Variants in PDE4D observed in about 807,000 individuals in gnomAD.
PDE4D encodes the protein 3',5'-cyclic-AMP phosphodiesterase 4D.
In PDE4D, 24 loss-of-function variants were observed where a neutral mutation model predicts 87.4. That is an observed-to-expected ratio of 0.27 (90% confidence interval 0.20 to 0.39). The LOEUF is 0.39. Ranked by LOEUF, PDE4D falls within the 10% of genes least tolerant of loss-of-function variation. PDE4D has a pLI of 1.00. For missense variants in PDE4D, 714 were observed against 1,041.0 expected, an observed-to-expected ratio of 0.69 and a Z score of 4.32; for synonymous variants, 384 against 383.2, an observed-to-expected ratio of 1.00 and a Z score of -0.02.
chr5:60,144,721 T>C (rs1780848954), intron 2 of PDE4D, among the ~76,000 whole-genome samples: 1 of 152,214 alleles, frequency 6.6e-6, no homozygotes, highest in Admixed American at 6.5e-5. Flanking sequence ...AGCTTTGGAA[T>C]TAGATATTTT....
intron 1 of PDE4D, among the ~76,000 whole-genome samples, chr5:59,667,614 A>T (rs1580277772): frequency 6.6e-6 from 1 of 151,950 alleles, no homozygotes; most frequent in East Asian, 1.9e-4. Context: ...AGTCATTCAG[A>T]CCCGAACCTG....
rs541274144 is a variant in PDE4D, at chr5:60,216,133, T to C, written c.-89-30446A>G. Among the ~76,000 whole-genome samples the C allele has an allele frequency of 2.0e-5, 3 of 152,160 alleles. No individual in the cohort carries two copies. The South Asian group carries it at 6.2e-4, about 32-fold the overall frequency. On this transcript the variant is annotated intron_variant, in intron 1 of 16. Transcript: ENST00000502484. ...TTGGAACCAGTAAGAGAAAATCAGA[T>C]AGCGCTTTATTCTGATGGATGTAAT...
At chr5:59,459,954 C>G (rs1800511483) in intron 1 of PDE4D, among the ~76,000 whole-genome samples, 1 of 152,150 alleles carries the variant, frequency 6.6e-6, no homozygotes, top group South Asian at 2.1e-4. Context: ...AGAACAATAA[C>G]TGACTTTATA....
At chr5:59,058,659 AC>A (rs1414077931) in intron 5 of PDE4D, among the ~76,000 whole-genome samples, 3 of 151,826 alleles carry the variant, frequency 2.0e-5, no homozygotes, top group African/African-American at 7.3e-5. Flanking sequence ...TCTGGGTACT[AC>A]CCTCTACCGG....
In PDE4D at chr5:59,312,593, T is replaced by C. The variant is rs188943351; in HGVS notation, c.456-96625A>G. On this transcript the variant is annotated intron_variant, in intron 1 of 14. Coordinates refer to ENST00000340635, the MANE Select transcript of PDE4D (RefSeq NM_001104631.2). ...TCTGAAAAGTCTACAGGAAACTTAT[T>C]AAGCACACCAAACTTAAACCCAGAA... 1.3e-4 allele frequency among the ~76,000 whole-genome samples: 20 copies of C among 152,280 alleles called. No homozygotes were observed. In the East Asian group the frequency reaches 2.7e-3, roughly 21 times the overall value.
chr5:59,395,004 GA>G (rs1789078275), intron 1 of PDE4D, among the ~76,000 whole-genome samples: 1 of 152,150 alleles, frequency 6.6e-6, no homozygotes, highest in Non-Finnish European at 1.5e-5. Context: ...ACTCCCACCC[GA>G]ATACTGCGCT....
chr5:59,529,102 T>C (rs1813692565), intron 1 of PDE4D: 1 of 472,456 alleles, frequency 2.1e-6, no homozygotes, highest in Non-Finnish European at 4.2e-6. Flanking sequence ...TCTATTCTAA[T>C]TTCAGACTCA....
chr5:59,409,331 G>A (rs553748407), intron 1 of PDE4D, among the ~76,000 whole-genome samples: 4 of 152,162 alleles, frequency 2.6e-5, no homozygotes, highest in African/African-American at 9.6e-5. Flanking sequence ...TATGACTCTG[G>A]GAGACTGTTG....
At chr5:59,878,413 A>C (rs556897124) in intron 1 of PDE4D, among the ~76,000 whole-genome samples, 1 of 152,356 alleles carries the variant, frequency 6.6e-6, no homozygotes, top group African/African-American at 2.4e-5. Context: ...AAGGAAAACA[A>C]AACTGCAAGA....
intron 5 of PDE4D, among the ~76,000 whole-genome samples, chr5:59,148,354 A>G (rs767399381): frequency 2.6e-5 from 4 of 152,198 alleles, no homozygotes; most frequent in Admixed American, 6.5e-5. Flanking sequence ...TCTTTTTACT[A>G]TAACTCCTCA....
intron 1 of PDE4D, among the ~76,000 whole-genome samples, chr5:60,193,309 C>A (rs898761359): frequency 1.3e-5 from 2 of 152,054 alleles, no homozygotes; most frequent in African/African-American, 4.8e-5. Flanking sequence ...ATAGGACCAA[C>A]AGGAGCTCAA....
chr5:59,780,794 G>A (rs1330687654), intron 1 of PDE4D, among the ~76,000 whole-genome samples: 1 of 152,190 alleles, frequency 6.6e-6, no homozygotes, highest in Non-Finnish European at 1.5e-5. Context: ...AAGAACAGGA[G>A]TATAGTTTTG....
At chr5:59,924,723 A>G (rs1279413227) in intron 3 of PDE4D, among the ~76,000 whole-genome samples, 1 of 152,226 alleles carries the variant, frequency 6.6e-6, no homozygotes, top group African/African-American at 2.4e-5. Flanking sequence ...GGGATTTCTT[A>G]AGAAAAGGAC....
At chr5:60,433,242 A>G (rs1038338295) in intron 1 of PDE4D, among the ~76,000 whole-genome samples, 1 of 152,200 alleles carries the variant, frequency 6.6e-6, no homozygotes, top group Non-Finnish European at 1.5e-5. Context: ...AAGCAAAAAA[A>G]CAAACAAGCC....
chr5:60,179,935 T>G (rs180807335), intron 2 of PDE4D, among the ~76,000 whole-genome samples: 121 of 152,336 alleles, frequency 7.9e-4, no homozygotes, highest in Middle Eastern at 3.4e-3. Context: ...AGATTTTGTC[T>G]GTAAGAATAA....
At position 59,854,007 on chromosome 5, in the gene PDE4D, T is replaced by C. The variant is rs115303258; in HGVS notation, c.455+39161A>G. Among the ~76,000 whole-genome samples, 545 of 152,202 alleles carry C rather than the reference T, an allele frequency of 3.6e-3. 5 individuals are homozygous for C. Among genetic ancestry groups the C allele is most frequent in the African/African-American group, 0.013 (522 of 41,558 alleles). ...TTTTGAACATGTATCATTTCAGTTT[T>C]AGATTAATTCCTTAGGATAACTTCT... On this transcript the variant is annotated intron_variant, in intron 1 of 14. Coordinates refer to ENST00000340635, the MANE Select transcript of PDE4D (RefSeq NM_001104631.2).
intron 2 of PDE4D, among the ~76,000 whole-genome samples, chr5:60,125,005 C>G (rs777124384): frequency 2.0e-5 from 3 of 152,156 alleles, no homozygotes; most frequent in Non-Finnish European, 4.4e-5. Context: ...ACCAGCTGCT[C>G]CTTCTCAAAA....
intron 1 of PDE4D, chr5:60,459,891 A>T: frequency 1.5e-6 from 1 of 665,056 alleles, no homozygotes; most frequent in Non-Finnish European, 2.8e-6. Flanking sequence ...CCCCTTCATC[A>T]TCATCTTCAT....
intron 1 of PDE4D, among the ~76,000 whole-genome samples, chr5:59,888,474 A>G (rs1244165032): frequency 1.3e-5 from 2 of 152,254 alleles, no homozygotes; most frequent in African/African-American, 2.4e-5. Context: ...GGTTCAAACT[A>G]ATTTTGAAAA....
Sources: gnomAD v4.1 joint callset for allele counts (sites outside exome capture counted in the v4.1 genomes callset) on GRCh38, gnomAD v4.1.1 for gene constraint, MANE v1.5 for transcripts, NCBI Gene and HGNC (gene_info 2026-07-23, HGNC 2026-07-21) for gene names.